Variants in NAV2 observed in about 807,000 individuals in gnomAD.
NAV2 encodes neuron navigator 2.
In NAV2, 54 loss-of-function variants were observed where a neutral mutation model predicts 223.2. That is an observed-to-expected ratio of 0.24 (90% confidence interval 0.19 to 0.30). NAV2 has a LOEUF of 0.30. Among genes scored for constraint, NAV2 ranks in the 10% least tolerant of loss-of-function variants. The pLI is 1.00. For synonymous variants in NAV2, 1,279 were observed against 1,239.3 expected (o/e 1.03, Z -0.67); for missense variants, 2,806 against 3,147.5 (o/e 0.89, Z 2.60).
At chr11:19,596,536 C>T (rs754392973) in intron 1 of NAV2, among the ~76,000 whole-genome samples, 2 of 152,308 alleles carry the variant, frequency 1.3e-5, no homozygotes, top group South Asian at 2.1e-4. Context: ...GGTGAGGCAA[C>T]GGCTCTGTGC....
intron 12 of NAV2, 150 bp downstream of exon 12, chr11:20,036,247 C>T: frequency 1.1e-6 from 1 of 884,442 alleles, no homozygotes; most frequent in Non-Finnish European, 1.7e-6. Flanking sequence ...CTCTCACCTC[C>T]TGACCCTGAC....
At chr11:19,617,169 A>G (rs533170888) in intron 1 of NAV2, among the ~76,000 whole-genome samples, 60 of 152,250 alleles carry the variant, frequency 3.9e-4, no homozygotes, top group African/African-American at 1.3e-3. Context: ...GAAAAGGGCT[A>G]TTTATTTCTG....
At chr11:19,425,355 A>G (rs1371292640) in intron 1 of NAV2, among the ~76,000 whole-genome samples, 4 of 152,228 alleles carry the variant, frequency 2.6e-5, no homozygotes, top group Non-Finnish European at 5.9e-5. Flanking sequence ...AACATGCTTT[A>G]CCATGGACAT....
chr11:19,418,164 C>T (rs1475443522), intron 1 of NAV2, among the ~76,000 whole-genome samples: 4 of 152,182 alleles, frequency 2.6e-5, no homozygotes, highest in Non-Finnish European at 5.9e-5. Context: ...TTCTGACTTT[C>T]TGGCATCAAG....
At chr11:19,499,734 G>C (rs1412991921) in intron 1 of NAV2, among the ~76,000 whole-genome samples, 2 of 152,192 alleles carry the variant, frequency 1.3e-5, no homozygotes, top group African/African-American at 2.4e-5. Context: ...TATCCTCAGT[G>C]CCTGGCCCAG....
At position 19,639,629 on chromosome 11, in the gene NAV2, G is replaced by GA. The variant is rs939452949; in HGVS notation, c.76-192849dup. Among the ~76,000 whole-genome samples the GA allele has an allele frequency of 1.8e-3, 280 of 152,300 alleles. 1 individual carries two copies. The highest frequency in any genetic ancestry group is 6.5e-3 in the African/African-American group (271 of 41,568). ...ACATAGGCCCACTGATGTGGAGGTA[G>GA]AAAAAACAACCCCATTGCCGATAGG... On this transcript the variant is annotated intron_variant, in intron 1 of 37. Transcript: ENST00000360655.
In NAV2 at chr11:19,995,323, T is replaced by C. The variant is rs1591581610; in HGVS notation, c.2768+11076T>C. 1.3e-5 allele frequency among the ~76,000 whole-genome samples: 2 copies of C among 152,214 alleles called. 1 individual carries two copies. The highest frequency in any genetic ancestry group is 3.9e-4 in the East Asian group (2 of 5,184). The stretch of plus-strand genomic sequence containing the variant: ...AACTGTTTGTCTCTGACGGTGATGA[T>C]GACATGTGTCTCATTTGATGGTATT... On this transcript the variant is annotated intron_variant, in intron 11 of 37. Coordinates refer to ENST00000349880, the MANE Select transcript of NAV2 (RefSeq NM_145117.5).
chr11:19,994,123 T>A (rs538635860), intron 11 of NAV2, among the ~76,000 whole-genome samples: 1 of 152,322 alleles, frequency 6.6e-6, no homozygotes, highest in South Asian at 2.1e-4. Context: ...GCAGGAAATT[T>A]CCTTTTCCTG....
At chr11:20,072,530 T>G (rs2059469373) in intron 22 of NAV2, among the ~76,000 whole-genome samples, 1 of 152,224 alleles carries the variant, frequency 6.6e-6, no homozygotes. Flanking sequence ...TTGGGCAGTA[T>G]GGCCATTTTC....
At chr11:19,923,437 T>A (rs950103960) in intron 6 of NAV2, among the ~76,000 whole-genome samples, 5 of 152,230 alleles carry the variant, frequency 3.3e-5, no homozygotes, top group African/African-American at 1.2e-4. Context: ...TTTCCAAACT[T>A]ACCTGACCAT....
chr11:19,463,974 T>A (rs1287544095), intron 1 of NAV2, among the ~76,000 whole-genome samples: 1 of 152,204 alleles, frequency 6.6e-6, no homozygotes, highest in Non-Finnish European at 1.5e-5. Context: ...GTTGAACTGA[T>A]ACAGATTAAC....
chr11:19,862,472 A>G (rs1188338310), intron 3 of NAV2, among the ~76,000 whole-genome samples: 1 of 152,228 alleles, frequency 6.6e-6, no homozygotes, highest in African/African-American at 2.4e-5. Context: ...AAGCTGGGAC[A>G]GAGTCACGGA....
intron 1 of NAV2, among the ~76,000 whole-genome samples, chr11:19,652,246 AC>A (rs1324407958): frequency 5.9e-5 from 9 of 152,106 alleles, no homozygotes; most frequent in Non-Finnish European, 1.3e-4. Flanking sequence ...TTGGTTTATT[AC>A]AAGTGTCCTC....
At chr11:19,962,586 A>T (rs1565652605) in intron 10 of NAV2, among the ~76,000 whole-genome samples, 1 of 152,192 alleles carries the variant, frequency 6.6e-6, no homozygotes. Context: ...TCAAGACTCT[A>T]TGCCTGCCTT....
chr11:19,729,519 G>A (rs2051558004), intron 1 of NAV2, among the ~76,000 whole-genome samples: 1 of 152,194 alleles, frequency 6.6e-6, no homozygotes, highest in Non-Finnish European at 1.5e-5. Context: ...AAGATGGCTG[G>A]CTTTAAGTTG....
chr11:19,834,341 G>C (rs934284659), intron 2 of NAV2, among the ~76,000 whole-genome samples: 3 of 152,178 alleles, frequency 2.0e-5, no homozygotes, highest in Non-Finnish European at 4.4e-5. Flanking sequence ...GTCTCCATGG[G>C]AATTCTAACC....
chr11:20,117,681 T>C (rs530743515), intron 37 of NAV2, among the ~76,000 whole-genome samples: 5 of 152,218 alleles, frequency 3.3e-5, no homozygotes, highest in South Asian at 2.1e-4. Flanking sequence ...GTGCTTCCGA[T>C]GTCAGTGATG....
intron 1 of NAV2, among the ~76,000 whole-genome samples, chr11:19,632,228 G>T (rs1174754299): frequency 1.3e-5 from 2 of 152,188 alleles, no homozygotes; most frequent in African/African-American, 4.8e-5. Context: ...GCGGTACAAA[G>T]AACATTGGGT....
intron 1 of NAV2, among the ~76,000 whole-genome samples, chr11:19,445,668 G>A (rs1851555948): frequency 6.6e-6 from 1 of 152,098 alleles, no homozygotes; most frequent in Non-Finnish European, 1.5e-5. Flanking sequence ...GAAAGTGTTA[G>A]GAGACTGATA....
Sources: allele counts gnomAD v4.1 joint callset (sites outside exome capture counted in the v4.1 genomes callset), GRCh38; gene constraint gnomAD v4.1.1; transcripts MANE v1.5; gene names NCBI Gene and HGNC (gene_info 2026-07-23, HGNC 2026-07-21).